Variants in SMN1 observed in about 807,000 individuals in gnomAD.
SMN1 encodes survival of motor neuron 1, telomeric.
For synonymous variants in SMN1, 3 were observed against 5.1 expected, an observed-to-expected ratio of 0.58 and a Z score of 0.56; for missense variants, 15 against 17.1, an observed-to-expected ratio of 0.88 and a Z score of 0.22.
chr5:70,956,583 C>T (rs1416585846), downstream of SMN1, among the ~76,000 whole-genome samples: 870 of 147,682 alleles, frequency 5.9e-3, 34 homozygotes, highest in Non-Finnish European at 8.0e-3. Flanking sequence ...ATCCTTTCCC[C>T]ATTGCTTGTT....
chr5:70,943,695 A>G (rs1407245347), intron 5 of SMN1, among the ~76,000 whole-genome samples: 6 of 117,554 alleles, frequency 5.1e-5, no homozygotes, highest in Admixed American at 4.7e-4. Flanking sequence ...TTTTTATTAT[A>G]GGTTAGATTA....
At chr5:70,959,208 A>G in the SMN1 span, among the ~76,000 whole-genome samples, 1 of 149,044 alleles carries the variant, frequency 6.7e-6, no homozygotes, top group African/African-American at 2.5e-5. Flanking sequence ...TTGAACAATG[A>G]GAACACATGG....
At chr5:70,955,289 T>C (rs1205906946), downstream of SMN1, among the ~76,000 whole-genome samples, 1 of 144,768 alleles carries the variant, frequency 6.9e-6, no homozygotes. Context: ...TTTTTTTTTT[T>C]GGTAGTGACA....
At chr5:70,955,111 G>A (rs893509520), downstream of SMN1, among the ~76,000 whole-genome samples, 5 of 144,708 alleles carry the variant, frequency 3.5e-5, no homozygotes, top group South Asian at 2.2e-4. Context: ...TACTGGAGAG[G>A]CTGAGGCAAA....
At chr5:70,959,448 A>G in the SMN1 span, among the ~76,000 whole-genome samples, 1 of 129,216 alleles carries the variant, frequency 7.7e-6, no homozygotes, top group Non-Finnish European at 1.7e-5. Context: ...AAAAATTTAA[A>G]AAAAAGCTCT....
chr5:70,956,835 T>A (rs1231939721), downstream of SMN1, among the ~76,000 whole-genome samples: 35 of 145,992 alleles, frequency 2.4e-4, 3 homozygotes, highest in Admixed American at 7.7e-4. Flanking sequence ...TAAAGTAGTT[T>A]TTTCCAATTC....
intron 7 of SMN1, 70 bp from the exon 8 acceptor site, chr5:70,951,871 A>G (rs1749762000): frequency 2.0e-5 from 27 of 1,319,232 alleles, no homozygotes; most frequent in Non-Finnish European, 2.8e-5. Context: ...ACATCCATAT[A>G]AAGCTATCTA....
the SMN1 span, among the ~76,000 whole-genome samples, chr5:70,959,157 C>CA: frequency 6.9e-6 from 1 of 145,638 alleles, no homozygotes; most frequent in African/African-American, 2.5e-5. Flanking sequence ...ATCGCAAGGA[C>CA]AAAAAACCAA....
chr5:70,952,124 A>T, intron 8 of SMN1, 130 bp downstream of exon 8: 8 of 1,513,524 alleles, frequency 5.3e-6, no homozygotes, highest in Non-Finnish European at 7.1e-6. Flanking sequence ...AAAACAATCA[A>T]TATTAAAGAA....
chr5:70,951,036 G>T (rs182485579), intron 7 of SMN1, among the ~76,000 whole-genome samples: 1 of 151,762 alleles, frequency 6.6e-6, no homozygotes, highest in Non-Finnish European at 1.5e-5. Context: ...GCCTCCAAAA[G>T]TGCAAGGCAT....
the SMN1 span, among the ~76,000 whole-genome samples, chr5:70,960,790 G>T: frequency 1.3e-5 from 2 of 148,290 alleles, no homozygotes; most frequent in African/African-American, 4.9e-5. Flanking sequence ...CCTCCTCCCG[G>T]GTTCAAACGA....
Position 70,951,917 on chromosome 5 carries a change from T to A in SMN1, c.835-24T>A, listed in dbSNP as rs748758067. The A allele has an allele frequency of 1.9e-6, 3 of 1,609,022 alleles. No individual in the cohort carries two copies. The highest frequency in any genetic ancestry group is 2.6e-6 in the Non-Finnish European group (3 of 1,175,828). On this transcript the variant is annotated intron_variant, in intron 7 of 8. Coordinates refer to ENST00000380707, the MANE Select transcript of SMN1 (RefSeq NM_000344.4). ...TCTATGTCTATATAGCTATTTTTTT[T>A]AACTTCCTTTATTTTCCTTACAGGG...
At chr5:70,959,553 A>AT in the SMN1 span, among the ~76,000 whole-genome samples, 1 of 98,242 alleles carries the variant, frequency 1.0e-5, no homozygotes, top group African/African-American at 3.4e-5. Context: ...GTTTCTAATC[A>AT]TTTGTTATTT....
chr5:70,963,977 C>T, the SMN1 span, among the ~76,000 whole-genome samples: 3 of 112,172 alleles, frequency 2.7e-5, no homozygotes, highest in African/African-American at 6.4e-5. Flanking sequence ...CTCTGCCTCC[C>T]GGGTTCAAGT....
At chr5:70,955,294 GTGACA>G (rs1234622394), downstream of SMN1, among the ~76,000 whole-genome samples, 1 of 140,008 alleles carries the variant, frequency 7.1e-6, no homozygotes, top group Non-Finnish European at 1.5e-5. Flanking sequence ...TTTTTTGGTA[GTGACA>G]TGATCTATGT....
downstream of SMN1, among the ~76,000 whole-genome samples, chr5:70,958,530 T>C (rs1223076214): frequency 1.9e-5 from 1 of 52,630 alleles, no homozygotes; most frequent in Non-Finnish European, 4.2e-5. Flanking sequence ...TTCTCGTTGG[T>C]TTCAAAGAAC....
At chr5:70,950,332 G>T (rs1749653690) in intron 7 of SMN1, among the ~76,000 whole-genome samples, 1 of 147,716 alleles carries the variant, frequency 6.8e-6, no homozygotes, top group South Asian at 2.1e-4. Context: ...CAGGAGAGTT[G>T]CTTGAACTGA....
chr5:70,951,084 AT>A (rs1749704130), intron 7 of SMN1, among the ~76,000 whole-genome samples: 1 of 151,638 alleles, frequency 6.6e-6, no homozygotes, highest in Admixed American at 6.6e-5. Flanking sequence ...ATGTTTTTAA[AT>A]TTTTTAAATT....
At chr5:70,951,128 CT>C (rs1749707344) in intron 7 of SMN1, among the ~76,000 whole-genome samples, 1 of 151,608 alleles carries the variant, frequency 6.6e-6, no homozygotes, top group Non-Finnish European at 1.5e-5. Context: ...AGGTCTCACT[CT>C]ATTGCTCAGG....
Sources: gnomAD v4.1 joint callset for allele counts (sites outside exome capture counted in the v4.1 genomes callset) on GRCh38, gnomAD v4.1.1 for gene constraint, MANE v1.5 for transcripts, NCBI Gene and HGNC (gene_info 2026-07-23, HGNC 2026-07-21) for gene names.